Variants in SPATA17 observed in about 807,000 individuals in gnomAD.
SPATA17 encodes spermatogenesis associated 17.
A neutral mutation model predicts 62.2 loss-of-function variants in SPATA17; 53 were observed. That is an observed-to-expected ratio of 0.85 (90% CI 0.68 to 1.07). The LOEUF (loss-of-function observed/expected upper bound fraction) is 1.07, where lower values mean the gene tolerates loss of function less well. SPATA17 is among the 50% of genes least tolerant of loss of function. The pLI is 0.00. For synonymous variants in SPATA17, 146 were observed against 146.8 expected, an observed-to-expected ratio of 0.99 and a Z score of 0.04; for missense variants, 466 against 425.5, an observed-to-expected ratio of 1.10 and a Z score of -0.84.
chr1:217,722,918 G>A (rs1672173003), intron 5 of SPATA17, among the ~76,000 whole-genome samples: 1 of 152,102 alleles, frequency 6.6e-6, no homozygotes, highest in Admixed American at 6.6e-5. Flanking sequence ...TGGCCTCTGA[G>A]GTTACCAGTC....
intron 8 of SPATA17, among the ~76,000 whole-genome samples, chr1:217,797,299 C>T (rs943880837): frequency 2.7e-5 from 4 of 148,304 alleles, no homozygotes; most frequent in Non-Finnish European, 5.9e-5. Flanking sequence ...GCCCAGGCTG[C>T]AGTGCAGTAG....
At position 217,701,761 on chromosome 1, in the gene SPATA17, G is replaced by A. The variant is rs572440214; in HGVS notation, c.395+18400G>A. The stretch of plus-strand genomic sequence containing the variant: ...GCTTTTATTGGTGCTCGCATTATCT[G>A]ATTTTCAACATCTATTATTTTCTTT... On this transcript the variant is annotated intron_variant, in intron 5 of 10. Transcript: ENST00000366933. Among the ~76,000 whole-genome samples the A allele has an allele frequency of 3.3e-5, 5 of 152,146 alleles. No homozygotes were observed. In the South Asian group the frequency reaches 6.2e-4, roughly 19 times the overall value.
chr1:217,719,505 T>A (rs936741676), intron 5 of SPATA17, among the ~76,000 whole-genome samples: 1 of 152,182 alleles, frequency 6.6e-6, no homozygotes, highest in Non-Finnish European at 1.5e-5. Context: ...GCAACAATGG[T>A]ACCATCTTCT....
chr1:217,715,985 C>T (rs566033434), intron 5 of SPATA17, among the ~76,000 whole-genome samples: 1 of 152,244 alleles, frequency 6.6e-6, no homozygotes, highest in East Asian at 1.9e-4. Flanking sequence ...GAATATGCGT[C>T]GAGTTTCTAG....
chr1:217,631,401 A>T lies in SPATA17; in HGVS notation c.23A>T (p.Gln8Leu). 6.2e-7 allele frequency: 1 copy of T among 1,614,160 alleles called. No individual in the cohort carries two copies. Among genetic ancestry groups the T allele is most frequent in the Non-Finnish European group, 8.5e-7 (1 of 1,180,020 alleles). Reference sequence around the variant, plus strand: ...ACCATGGCCACGTTAGCCCGGCTGCAAGCTAGGTCGTCGACTGTAGGAAAT... The same window carrying T: ...ACCATGGCCACGTTAGCCCGGCTGCTAGCTAGGTCGTCGACTGTAGGAAAT... MATLARL[Q>L]ARSSTVGNQY... is the part of the protein sequence containing the mutation. The change falls in exon 1 of 11, where the codon CAA (glutamine) becomes CTA (leucine). Residue 8 changes from glutamine (Q) to leucine (L), a missense_variant. Coordinates refer to ENST00000366933, the MANE Select transcript of SPATA17 (RefSeq NM_138796.4).
intron 6 of SPATA17, among the ~76,000 whole-genome samples, chr1:217,755,560 AT>A (rs1673022788): frequency 6.6e-6 from 1 of 152,054 alleles, no homozygotes; most frequent in Admixed American, 6.5e-5. Context: ...AGCATGCCTA[AT>A]TAGTCATTCC....
At chr1:217,696,244 T>G (rs1360167607) in intron 5 of SPATA17, among the ~76,000 whole-genome samples, 1 of 152,064 alleles carries the variant, frequency 6.6e-6, no homozygotes, top group African/African-American at 2.4e-5. Flanking sequence ...CGGGTGGGAG[T>G]GACCCGATTT....
intron 6 of SPATA17, among the ~76,000 whole-genome samples, chr1:217,770,752 A>G (rs1558043486): frequency 6.6e-6 from 1 of 152,104 alleles, no homozygotes; most frequent in Non-Finnish European, 1.5e-5. Flanking sequence ...ATACTTAAGT[A>G]TAAGAATAAA....
chr1:217,658,904 C>T (rs1670503045), intron 3 of SPATA17, among the ~76,000 whole-genome samples: 1 of 152,120 alleles, frequency 6.6e-6, no homozygotes. Flanking sequence ...TCATTTCTTT[C>T]CCTGTGTTTT....
At chr1:217,674,059 A>T (rs1670891875) in intron 4 of SPATA17, among the ~76,000 whole-genome samples, 1 of 152,198 alleles carries the variant, frequency 6.6e-6, no homozygotes, top group Non-Finnish European at 1.5e-5. Context: ...GACCAAGATT[A>T]CATACATTCA....
intron 9 of SPATA17, among the ~76,000 whole-genome samples, chr1:217,804,450 T>C (rs1355980241): frequency 1.3e-5 from 2 of 152,090 alleles, no homozygotes; most frequent in Admixed American, 6.6e-5. Flanking sequence ...GAAGGAAATA[T>C]AGGAAAAAAG....
chr1:217,746,698 T>C (rs1395197444), intron 6 of SPATA17, among the ~76,000 whole-genome samples: 2 of 151,954 alleles, frequency 1.3e-5, no homozygotes, highest in African/African-American at 4.8e-5. Flanking sequence ...TTCCAAAAGC[T>C]ATCACTAATT....
intron 9 of SPATA17, among the ~76,000 whole-genome samples, chr1:217,818,732 A>G (rs1275074967): frequency 1.3e-5 from 2 of 151,848 alleles, no homozygotes; most frequent in Non-Finnish European, 2.9e-5. Context: ...TATTTCTGGA[A>G]ATATTTATTA....
At chr1:217,734,499 A>G (rs1418415746) in intron 5 of SPATA17, among the ~76,000 whole-genome samples, 1 of 152,112 alleles carries the variant, frequency 6.6e-6, no homozygotes, top group East Asian at 1.9e-4. Flanking sequence ...CACCACACCC[A>G]TGACTGTTTT....
rs142989680 is a variant in SPATA17 at position 217,640,768 on chromosome 1, C to A, written c.69-8114C>A. Reference sequence around the variant, plus strand: ...TTATACATAATGACATGAACAAAATCTCTGAGACAAAATAAGGTATAAGAA... The same window carrying A: ...TTATACATAATGACATGAACAAAATATCTGAGACAAAATAAGGTATAAGAA... On this transcript the variant is annotated intron_variant, in intron 1 of 10. Coordinates refer to ENST00000366933, the MANE Select transcript of SPATA17 (RefSeq NM_138796.4). 4.0e-3 allele frequency among the ~76,000 whole-genome samples: 604 copies of A among 151,960 alleles called. 5 individuals are homozygous for A. Among genetic ancestry groups the A allele is most frequent in the African/African-American group, 0.014 (567 of 41,472 alleles).
At chr1:217,632,780 C>T (rs1669838638) in intron 1 of SPATA17, among the ~76,000 whole-genome samples, 1 of 152,162 alleles carries the variant, frequency 6.6e-6, no homozygotes, top group Non-Finnish European at 1.5e-5. Context: ...AATAGCTAAA[C>T]ATAGAAATTA....
chr1:217,694,669 C>T (rs904808531), intron 5 of SPATA17, among the ~76,000 whole-genome samples: 3 of 150,632 alleles, frequency 2.0e-5, no homozygotes, highest in Non-Finnish European at 3.0e-5. Context: ...CCTTCAGGAG[C>T]TCTTTTAGGG....
intron 5 of SPATA17, among the ~76,000 whole-genome samples, chr1:217,703,302 A>G (rs1215137457): frequency 2.6e-5 from 4 of 151,478 alleles, no homozygotes; most frequent in Non-Finnish European, 4.4e-5. Flanking sequence ...CTCCCGAGTA[A>G]TGGGGAATAC....
At chr1:217,670,372 T>C (rs547660647) in intron 4 of SPATA17, among the ~76,000 whole-genome samples, 1 of 152,258 alleles carries the variant, frequency 6.6e-6, no homozygotes, top group Admixed American at 6.5e-5. Context: ...GCACAGAAGA[T>C]AGAGTTAGAA....
Sources: gnomAD v4.1 joint callset for allele counts (sites outside exome capture counted in the v4.1 genomes callset) on GRCh38, gnomAD v4.1.1 for gene constraint, MANE v1.5 for transcripts, NCBI Gene and HGNC (gene_info 2026-07-23, HGNC 2026-07-21) for gene names.